NLRP4: variants seen among roughly 807,000 people sequenced by gnomAD.
NLRP4 encodes NACHT, LRR and PYD domains-containing protein 4.
Under a neutral mutation model 84.7 loss-of-function variants are expected in NLRP4, and 44 were observed. The ratio of observed to expected loss-of-function variants is 0.52; its 90% CI spans 0.41 to 0.67. The LOEUF (loss-of-function observed/expected upper bound fraction) is 0.67. NLRP4 is among the 30% of genes least tolerant of loss of function. The pLI is 0.00. For missense variants in NLRP4, 1,260 were observed against 1,219.4 expected, an observed-to-expected ratio of 1.03 and a Z score of -0.50; for synonymous variants, 544 against 476.4, an observed-to-expected ratio of 1.14 and a Z score of -1.85.
At chr19:55,869,269 C>T (rs1384307593) in intron 6 of NLRP4, among the ~76,000 whole-genome samples, 1 of 151,918 alleles carries the variant, frequency 6.6e-6, no homozygotes, top group Non-Finnish European at 1.5e-5. Context: ...GAAGCTGAGG[C>T]TGGAGAATCG....
rs772284020 is a variant in NLRP4, at chr19:55,858,587, C to T, written c.1194C>T (p.Ala398=). The part of the protein sequence containing the change: ...PTPQTQHQLK[A]LCSLAAEGMW... The stretch of plus-strand genomic sequence containing the variant: ...CGCAAACCCAGCACCAGCTGAAGGC[C>T]CTGTGCTCCCTGGCTGCAGAGGGTA... The change falls in exon 3 of 10, where the codon GCC becomes GCT. Residue 398 remains alanine, a synonymous_variant. Coordinates refer to ENST00000301295, the MANE Select transcript of NLRP4 (RefSeq NM_134444.5). This position sits in a 1 kb window ranked among gnomAD's most constrained non-coding sequence, Gnocchi z 4.2. 1.2e-6 allele frequency: 2 copies of T among 1,614,194 alleles called. No homozygotes were observed. Among genetic ancestry groups the T allele is most frequent in the East Asian group, 2.2e-5 (1 of 44,882 alleles).
chr19:55,852,209 C>T lies in NLRP4; in HGVS notation c.129C>T (p.Pro43=). The T allele has an allele frequency of 6.2e-7, 1 of 1,609,272 alleles. No homozygotes were observed. The highest frequency in any genetic ancestry group is 1.1e-5 in the South Asian group (1 of 89,574). The part of the protein sequence containing the change: ...MTLQLELKQI[P]WTEVKKASRE... ...TGCAGCTTGAACTCAAGCAGATTCC[C>T]TGGACTGAGGTCAAAAAAGCATCCC... Residue 43 remains proline (P), a synonymous_variant, in exon 2 of 10, where the codon CCC becomes CCT. Transcript: ENST00000301295.
chr19:55,872,212 A>G (rs928848649), intron 7 of NLRP4, among the ~76,000 whole-genome samples: 2 of 152,144 alleles, frequency 1.3e-5, no homozygotes, highest in Non-Finnish European at 2.9e-5. Flanking sequence ...AAAACTCCTT[A>G]AGACGTATTA....
chr19:55,842,791 G>T (rs1313575646), intron 1 of NLRP4, among the ~76,000 whole-genome samples: 5 of 151,772 alleles, frequency 3.3e-5, no homozygotes, highest in African/African-American at 1.2e-4. Flanking sequence ...ATGGAGTGTT[G>T]CTCTGTCACC....
Position 55,858,402 on chromosome 19 carries a change from A to G in NLRP4, c.1009A>G (p.Ile337Val), listed in dbSNP as rs142911979. The change falls in exon 3 of 10, where the codon ATA becomes GTA. Residue 337 changes from isoleucine to valine, a missense_variant. Ile to Val is a conservative substitution (Grantham distance 29). Coordinates refer to ENST00000301295, the MANE Select transcript of NLRP4 (RefSeq NM_134444.5). The surrounding 1 kb of genome is among the most constrained non-coding windows in gnomAD (Gnocchi z 4.2). Reference protein sequence around the residue: ...LVRESEQLFSICQIPLLCWIL... With the variant: ...LVRESEQLFSVCQIPLLCWIL... ...AAGAGAAAGTGAACAGCTGTTTTCC[A>G]TATGCCAAATCCCGCTCCTCTGCTG... The G allele has an allele frequency of 4.3e-6, 7 of 1,614,088 alleles. No individual in the cohort carries two copies. Among genetic ancestry groups the G allele is most frequent in the South Asian group, 1.1e-5 (1 of 91,090 alleles).
intron 1 of NLRP4, among the ~76,000 whole-genome samples, chr19:55,837,527 T>C (rs1411580855): frequency 1.3e-5 from 2 of 152,180 alleles, no homozygotes; most frequent in South Asian, 4.1e-4. Context: ...ATGAAACGTA[T>C]ATAGAAAGAA....
rs146897059 is a variant in NLRP4, at chr19:55,877,137, G to A, written c.2667G>A (p.Thr889=). ...TGCAGCTGTTGTGTCGGGCTCTGAC[G>A]CATACGGATTGCCGCTTAGAGATTC... ...VGVQLLCRAL[T]HTDCRLEILG... is the part of the protein sequence containing the mutation. The change falls in exon 8 of 10, where the codon ACG becomes ACA. Residue 889 remains threonine, a synonymous_variant. Coordinates refer to ENST00000301295, the MANE Select transcript of NLRP4 (RefSeq NM_134444.5). 1.1e-4 allele frequency: 172 copies of A among 1,613,988 alleles called. No homozygotes were observed. The African/African-American group carries it at 1.5e-3, about 14-fold the overall frequency.
Position 55,877,017 on chromosome 19 carries a change from T to G in NLRP4, c.2547T>G (p.Thr849=). The G allele has an allele frequency of 6.2e-7, 1 of 1,613,938 alleles. No individual in the cohort carries two copies. The highest frequency in any genetic ancestry group is 1.1e-5 in the South Asian group (1 of 91,074). Residue 849 remains threonine (T), a synonymous_variant, in exon 8 of 10, where the codon ACT becomes ACG. Coordinates refer to ENST00000301295, the MANE Select transcript of NLRP4 (RefSeq NM_134444.5). ...GCAGTTTGGTAAAATGTTTTATCAC[T>G]GCTGCTGGCTGTGAAGACCTCGCCT... The part of the protein sequence containing the change: ...DSLCLVKCFI[T]AAGCEDLASA...
chr19:55,866,555 A>G (rs1343022583), intron 5 of NLRP4, among the ~76,000 whole-genome samples: 2 of 152,212 alleles, frequency 1.3e-5, no homozygotes, highest in Non-Finnish European at 2.9e-5. Flanking sequence ...AAAACCACAC[A>G]GTTAAACCAC....
chr19:55,850,897 G>A (rs1984095354), intron 1 of NLRP4, among the ~76,000 whole-genome samples: 2 of 78,364 alleles, frequency 2.6e-5, no homozygotes, highest in Non-Finnish European at 2.1e-5. Context: ...GTCCGTGGCT[G>A]CGGTGTAATG....
At chr19:55,852,398 G>A in intron 2 of NLRP4, 38 bp downstream of exon 2, 1 of 1,428,118 alleles carries the variant, frequency 7.0e-7, no homozygotes, top group Non-Finnish European at 9.6e-7. Flanking sequence ...TTCTTATAAT[G>A]AGGACTATGT....
In NLRP4 at chr19:55,878,982, G is replaced by T. The variant is rs780473564; in HGVS notation, c.2867+18G>T. The stretch of plus-strand genomic sequence containing the variant: ...GTGCTCGGGTGAGCTGGGGTCTGTT[G>T]TGCTCTATGGGCAGAGTGCTCCGGG... On this transcript the variant is annotated intron_variant, in intron 9 of 9. Transcript: ENST00000301295. The T allele has an allele frequency of 4.1e-5, 66 of 1,602,788 alleles. No homozygotes were observed. The highest frequency in any genetic ancestry group is 5.4e-5 in the Non-Finnish European group (63 of 1,171,644).
chr19:55,853,195 C>G (rs1196786437), intron 2 of NLRP4, among the ~76,000 whole-genome samples: 1 of 152,222 alleles, frequency 6.6e-6, no homozygotes, highest in Non-Finnish European at 1.5e-5. Context: ...TTCAACTTTA[C>G]TGCCAAATTG....
chr19:55,869,144 G>A (rs302434), intron 6 of NLRP4, among the ~76,000 whole-genome samples: 1 of 151,878 alleles, frequency 6.6e-6, no homozygotes, highest in African/African-American at 2.4e-5. Context: ...GGGGAACCCA[G>A]ATGGAAGTTG....
chr19:55,873,417 A>C (rs188716502), intron 7 of NLRP4, among the ~76,000 whole-genome samples: 336 of 152,340 alleles, frequency 2.2e-3, no homozygotes, highest in African/African-American at 7.9e-3. Context: ...TGAACAGGTA[A>C]GAAAATATGA....
intron 1 of NLRP4, among the ~76,000 whole-genome samples, chr19:55,840,350 G>A (rs916801412): frequency 1.9e-5 from 2 of 107,334 alleles, no homozygotes; most frequent in East Asian, 3.3e-4. Context: ...GTGTATGTGT[G>A]TGTGTGTGTG....
intron 5 of NLRP4, among the ~76,000 whole-genome samples, chr19:55,866,440 C>T (rs999558011): frequency 5.3e-5 from 8 of 152,206 alleles, no homozygotes; most frequent in African/African-American, 1.7e-4. Context: ...GCCAATTCCA[C>T]ATTTATTTCT....
chr19:55,857,014 G>C (rs1434622122), intron 2 of NLRP4, among the ~76,000 whole-genome samples: 4 of 152,172 alleles, frequency 2.6e-5, no homozygotes. Context: ...ACCTATATGT[G>C]TATATAAATC....
chr19:55,856,151 G>A (rs1401229236), intron 2 of NLRP4, among the ~76,000 whole-genome samples: 3 of 152,078 alleles, frequency 2.0e-5, no homozygotes, highest in African/African-American at 7.2e-5. Flanking sequence ...GTACCACCAC[G>A]CCCAGCTAAT....
Sources: gnomAD v4.1 joint callset for allele counts (sites outside exome capture counted in the v4.1 genomes callset) on GRCh38, gnomAD v4.1.1 for gene constraint, Gnocchi (gnomAD v3.1) non-coding constraint, MANE v1.5 for transcripts, NCBI Gene and HGNC (gene_info 2026-07-23, HGNC 2026-07-21) for gene names.